The following ADGRV1 variants were observed in gnomAD, a reference collection of about 807,000 sequenced individuals.
ADGRV1 encodes G-protein coupled receptor 98.
In ADGRV1, 359 loss-of-function variants were observed where a neutral mutation model predicts 596.2. That is an observed-to-expected ratio of 0.60 (90% CI 0.55 to 0.66). The LOEUF is 0.66. Ranked by LOEUF, ADGRV1 falls within the 30% of genes least tolerant of loss-of-function variation. The pLI, the probability that ADGRV1 is intolerant of heterozygous loss-of-function variation, is 0.00. For synonymous variants in ADGRV1, 2,681 were observed against 2,679.2 expected (o/e 1.00, Z -0.02); for missense variants, 7,274 against 7,575.6 (o/e 0.96, Z 1.48).
chr5:90,778,286 T>A, intron 62 of ADGRV1, 141 bp from the exon 63 acceptor site: 1 of 774,792 alleles, frequency 1.3e-6, no homozygotes, highest in Non-Finnish European at 2.1e-6. Flanking sequence ...TTTGGTATTG[T>A]GGAGGTGCCT....
intron 86 of ADGRV1, 96 bp from the exon 87 acceptor site, chr5:91,102,123 C>A: frequency 1.8e-6 from 2 of 1,083,974 alleles, no homozygotes; most frequent in Non-Finnish European, 1.3e-6. Flanking sequence ...TCAAAATGGG[C>A]ACTAGAATAC....
intron 45 of ADGRV1, among the ~76,000 whole-genome samples, chr5:90,723,552 A>G (rs1478363654): frequency 6.6e-6 from 1 of 152,206 alleles, no homozygotes; most frequent in East Asian, 1.9e-4. Flanking sequence ...GGTCGTCTTG[A>G]ATTATTGTAG....
At chr5:91,025,376 T>C (rs1271356121) in intron 85 of ADGRV1, among the ~76,000 whole-genome samples, 1 of 152,068 alleles carries the variant, frequency 6.6e-6, no homozygotes, top group Non-Finnish European at 1.5e-5. Flanking sequence ...CTAAGCCAGA[T>C]AGTTGAGCAT....
intron 58 of ADGRV1, chr5:90,762,463 C>T (rs1756614225): frequency 6.6e-6 from 1 of 152,086 alleles, no homozygotes; most frequent in South Asian, 2.1e-4. Flanking sequence ...GATTGTATTG[C>T]ATGTTAAGCT....
intron 59 of ADGRV1, among the ~76,000 whole-genome samples, chr5:90,764,712 A>T (rs192112809): frequency 1.4e-3 from 218 of 152,216 alleles, no homozygotes; most frequent in African/African-American, 5.0e-3. Flanking sequence ...CATGCTTCCC[A>T]ACGTCAGAGC....
chr5:90,838,541 C>G (rs1282069952), intron 77 of ADGRV1, among the ~76,000 whole-genome samples: 1 of 152,202 alleles, frequency 6.6e-6, no homozygotes, highest in Non-Finnish European at 1.5e-5. Context: ...TCTGATTGCT[C>G]TTACGTGATG....
At chr5:90,747,801 G>C (rs1033558286) in intron 52 of ADGRV1, among the ~76,000 whole-genome samples, 1 of 152,188 alleles carries the variant, frequency 6.6e-6, no homozygotes, top group Non-Finnish European at 1.5e-5. Context: ...TGAAATTCCA[G>C]TTCCCAGACA....
At chr5:91,074,633 A>G (rs1472885453) in intron 86 of ADGRV1, among the ~76,000 whole-genome samples, 2 of 152,232 alleles carry the variant, frequency 1.3e-5, no homozygotes, top group Non-Finnish European at 2.9e-5. Flanking sequence ...TGTGATTAAC[A>G]TATGTGTGCA....
intron 85 of ADGRV1, among the ~76,000 whole-genome samples, chr5:91,055,041 G>A (rs758494524): frequency 2.0e-5 from 3 of 152,136 alleles, no homozygotes; most frequent in South Asian, 2.1e-4. Context: ...TGACAGAACC[G>A]AATAAACATT....
At chr5:90,904,004 G>A (rs1772089358) in intron 83 of ADGRV1, among the ~76,000 whole-genome samples, 2 of 151,878 alleles carry the variant, frequency 1.3e-5, no homozygotes, top group South Asian at 4.2e-4. Context: ...CACAAATAGG[G>A]AGAACATGTG....
At chr5:90,993,935 CT>C (rs375727731) in intron 85 of ADGRV1, among the ~76,000 whole-genome samples, 183 of 151,370 alleles carry the variant, frequency 1.2e-3, no homozygotes, top group African/African-American at 4.3e-3. Context: ...TTTTCTGTTC[CT>C]CAGACATGGT....
chr5:90,778,008 C>T lies in ADGRV1; in HGVS notation c.12631C>T (p.Arg4211Ter), dbSNP rs727504777. 8 of 1,591,342 alleles carry T rather than the reference C, an allele frequency of 5.0e-6. No individual in the cohort carries two copies. The highest frequency in any genetic ancestry group is 2.3e-5 in the East Asian group (1 of 44,312). Reference sequence around the variant, plus strand: ...TGAAACATCAGGAAAACTGACAATGCGAGACGAACAGTCTGCAGTCATTGT... The same window carrying T: ...TGAAACATCAGGAAAACTGACAATGTGAGACGAACAGTCTGCAGTCATTGT... ...FAETSGKLTM[R>*]DEQSAVIVVI... The change falls in exon 62 of 90, where the codon CGA becomes TGA. Residue 4211 changes from arginine (R) to a stop codon, truncating the protein, a stop_gained. Coordinates refer to ENST00000405460, the MANE Select transcript of ADGRV1 (RefSeq NM_032119.4). LOFTEE classifies it high-confidence loss of function.
chr5:90,581,030 C>T (rs1371475479), intron 1 of ADGRV1, among the ~76,000 whole-genome samples: 1 of 152,196 alleles, frequency 6.6e-6, no homozygotes, highest in Non-Finnish European at 1.5e-5. Context: ...ATCCTTTCTT[C>T]CCCTTGATCG....
At chr5:90,616,848 T>C (rs1199685125) in intron 2 of ADGRV1, among the ~76,000 whole-genome samples, 1 of 152,176 alleles carries the variant, frequency 6.6e-6, no homozygotes, top group Admixed American at 6.6e-5. Flanking sequence ...CTGGAACCCA[T>C]TCCTTCTGTT....
intron 34 of ADGRV1, among the ~76,000 whole-genome samples, chr5:90,698,327 C>T (rs1747465189): frequency 6.6e-6 from 1 of 152,138 alleles, no homozygotes; most frequent in Non-Finnish European, 1.5e-5. Flanking sequence ...TTAAGTTTAA[C>T]AGCAGTCCTA....
rs568203074 is a variant in ADGRV1 at position 90,853,913 on chromosome 5, T to C, written c.17455-149T>C. On this transcript the variant is annotated intron_variant, in intron 80 of 89. Transcript: ENST00000405460. ...GGCACAATGGAAAACCAATCAGATGTCCTGCATGCATAAGTGAGCTAAATA... is the reference window on the plus strand; with the variant it reads ...GGCACAATGGAAAACCAATCAGATGCCCTGCATGCATAAGTGAGCTAAATA... The C allele has an allele frequency of 4.2e-4, 268 of 645,332 alleles. 7 individuals are homozygous for C. In the South Asian group the frequency reaches 5.0e-3, roughly 12 times the overall value. 40.0% of individuals were successfully genotyped at this position (645,332 alleles called of 1,614,324 possible).
chr5:91,162,697 G>A (rs1316111963), intron 89 of ADGRV1, among the ~76,000 whole-genome samples: 1 of 152,194 alleles, frequency 6.6e-6, no homozygotes, highest in East Asian at 1.9e-4. Flanking sequence ...GAGAGAGTGC[G>A]AAGGTCAGAG....
chr5:90,955,904 C>T (rs1301215312), intron 83 of ADGRV1, among the ~76,000 whole-genome samples: 2 of 152,106 alleles, frequency 1.3e-5, no homozygotes, highest in African/African-American at 2.4e-5. Context: ...CAGCTAGTGT[C>T]ACTGCACTTA....
chr5:90,639,414 AT>A (rs1256517488), intron 11 of ADGRV1, among the ~76,000 whole-genome samples: 5 of 152,162 alleles, frequency 3.3e-5, no homozygotes. Context: ...TACACTATCC[AT>A]CTGCAAATTG....
Sources: gnomAD v4.1 joint callset for allele counts (sites outside exome capture counted in the v4.1 genomes callset) on GRCh38, gnomAD v4.1.1 for gene constraint, MANE v1.5 for transcripts, NCBI Gene and HGNC (gene_info 2026-07-23, HGNC 2026-07-21) for gene names.